Variants in FANCC observed in about 807,000 individuals in gnomAD.
The protein encoded by FANCC is FA complementation group C.
FANCC carries 55 observed loss-of-function variants against 71.3 expected under a neutral mutation model. That is an observed-to-expected ratio of 0.77 (90% CI 0.62 to 0.97). The LOEUF (loss-of-function observed/expected upper bound fraction) is 0.97. Ranked by LOEUF, FANCC falls within the 50% of genes least tolerant of loss-of-function variation. FANCC has a pLI of 0.00. For missense variants in FANCC, 678 were observed against 670.9 expected, an observed-to-expected ratio of 1.01 and a Z score of -0.12; for synonymous variants, 275 against 244.9, an observed-to-expected ratio of 1.12 and a Z score of -1.15.
At chr9:95,251,252 A>G (rs1420010442) in intron 1 of FANCC, among the ~76,000 whole-genome samples, 1 of 152,198 alleles carries the variant, frequency 6.6e-6, no homozygotes, top group Admixed American at 6.5e-5. Flanking sequence ...TCCTCATAGT[A>G]CAGTTCTAAG....
intron 4 of FANCC, among the ~76,000 whole-genome samples, chr9:95,214,722 T>C (rs932696202): frequency 6.6e-6 from 1 of 152,206 alleles, no homozygotes; most frequent in Admixed American, 6.5e-5. Flanking sequence ...TGAACCTTGA[T>C]GGCATTATGC....
At chr9:95,129,608 T>C (rs1826567746) in intron 8 of FANCC, among the ~76,000 whole-genome samples, 1 of 152,196 alleles carries the variant, frequency 6.6e-6, no homozygotes, top group Non-Finnish European at 1.5e-5. Context: ...AATAAACCTT[T>C]TGTGGTTTCC....
chr9:95,200,160 G>C (rs893444332), intron 4 of FANCC, among the ~76,000 whole-genome samples: 1 of 152,038 alleles, frequency 6.6e-6, no homozygotes, highest in Admixed American at 6.6e-5. Context: ...TTGAAAATCC[G>C]GCACATGAAC....
In FANCC at chr9:95,099,976, C is replaced by A; in HGVS notation, c.*1731G>T. ...GAGGACTGTCCCAGGAGTCCCTCCACAACAGGAGGCCTGGTCCCAGTGGCC... is the reference window on the plus strand; with the variant it reads ...GAGGACTGTCCCAGGAGTCCCTCCAAAACAGGAGGCCTGGTCCCAGTGGCC... On this transcript the variant is annotated 3_prime_UTR_variant, in exon 15 of 15. Coordinates refer to ENST00000289081, the MANE Select transcript of FANCC (RefSeq NM_000136.3). The A allele has an allele frequency of 4.3e-6, 1 of 232,418 alleles. No homozygotes were observed. Among genetic ancestry groups the A allele is most frequent in the Non-Finnish European group, 8.5e-6 (1 of 117,530 alleles). The allele number at this position is 232,418 out of a possible 1,614,324, so 14.4% of individuals were successfully genotyped here. A position where few individuals can be genotyped will look rare whatever the true frequency, so the allele number is the denominator to read the frequency against.
chr9:95,152,559 A>G (rs1048169850), intron 6 of FANCC, among the ~76,000 whole-genome samples: 1 of 152,240 alleles, frequency 6.6e-6, no homozygotes, highest in Non-Finnish European at 1.5e-5. Flanking sequence ...AGGGGCCTGC[A>G]TATTCTTTTT....
At chr9:95,309,754 A>C (rs569309226) in intron 1 of FANCC, among the ~76,000 whole-genome samples, 1 of 152,212 alleles carries the variant, frequency 6.6e-6, no homozygotes, top group African/African-American at 2.4e-5. Flanking sequence ...CTATATGTCC[A>C]ACATGTTATG....
chr9:95,291,070 G>A (rs1235956083), intron 1 of FANCC, among the ~76,000 whole-genome samples: 1 of 152,108 alleles, frequency 6.6e-6, no homozygotes. Flanking sequence ...AGGTATAGAA[G>A]GAATGTACAT....
At chr9:95,266,840 G>C (rs899095610) in intron 1 of FANCC, among the ~76,000 whole-genome samples, 1 of 152,144 alleles carries the variant, frequency 6.6e-6, no homozygotes, top group African/African-American at 2.4e-5. Flanking sequence ...TTAGCTTTCA[G>C]TACTATGTAA....
chr9:95,167,903 G>T (rs186932738), intron 6 of FANCC, among the ~76,000 whole-genome samples: 33 of 152,178 alleles, frequency 2.2e-4, no homozygotes, highest in Non-Finnish European at 4.3e-4. Context: ...TATTTTTGTT[G>T]TATTTTGTAC....
chr9:95,259,272 A>G (rs1564804913), intron 1 of FANCC, among the ~76,000 whole-genome samples: 1 of 152,142 alleles, frequency 6.6e-6, no homozygotes, highest in Non-Finnish European at 1.5e-5. Context: ...GAGACATCGC[A>G]CTACCTGACT....
chr9:95,106,115 A>C (rs1354226239), intron 14 of FANCC, among the ~76,000 whole-genome samples: 1 of 152,056 alleles, frequency 6.6e-6, no homozygotes, highest in Non-Finnish European at 1.5e-5. Flanking sequence ...GTTCCCACGC[A>C]TCCTCACGGG....
At chr9:95,182,741 G>A (rs1187850763) in intron 4 of FANCC, among the ~76,000 whole-genome samples, 1 of 152,086 alleles carries the variant, frequency 6.6e-6, no homozygotes, top group Non-Finnish European at 1.5e-5. Flanking sequence ...AGAGCAAGGA[G>A]AGATGAGTTC....
chr9:95,253,477 C>G (rs1488341047), intron 1 of FANCC, among the ~76,000 whole-genome samples: 1 of 152,142 alleles, frequency 6.6e-6, no homozygotes, highest in African/African-American at 2.4e-5. Flanking sequence ...ATATTTCACT[C>G]CACTCTCTTC....
At chr9:95,299,636 G>C (rs1024088635) in intron 1 of FANCC, among the ~76,000 whole-genome samples, 2 of 152,208 alleles carry the variant, frequency 1.3e-5, no homozygotes, top group East Asian at 3.8e-4. Context: ...TGAGGAAGGA[G>C]GATCGCTTGA....
chr9:95,114,415 T>C (rs1203939544), intron 12 of FANCC: 2 of 641,068 alleles, frequency 3.1e-6, no homozygotes, highest in Middle Eastern at 4.2e-4. Context: ...TATTGGCACA[T>C]GCATACATGC....
chr9:95,283,273 G>A (rs548290584), intron 1 of FANCC, among the ~76,000 whole-genome samples: 1 of 152,316 alleles, frequency 6.6e-6, no homozygotes, highest in African/African-American at 2.4e-5. Context: ...AGTAAAGGTT[G>A]TTAGGCACCA....
intron 6 of FANCC, among the ~76,000 whole-genome samples, chr9:95,156,989 A>G (rs983990879): frequency 1.3e-5 from 2 of 152,334 alleles, no homozygotes; most frequent in African/African-American, 2.4e-5. Flanking sequence ...GTATATGCTT[A>G]AAGTCAGGAG....
rs576700147 is a variant in FANCC at position 95,243,551 on chromosome 9, G to A, written c.251-2808C>T. The stretch of plus-strand genomic sequence containing the variant: ...TGTAATCCCAGCACTTTGGGAGGCC[G>A]AGGTGGGCGGATCACAAGGTCAGGA... On this transcript the variant is annotated intron_variant, in intron 3 of 14. Coordinates refer to ENST00000289081, the MANE Select transcript of FANCC (RefSeq NM_000136.3). 1.4e-4 allele frequency among the ~76,000 whole-genome samples: 22 copies of A among 152,084 alleles called. No individual in the cohort carries two copies. The South Asian group carries it at 2.1e-3, about 14-fold the overall frequency.
In FANCC at chr9:95,108,543, C is replaced by T. The variant is rs377486075; in HGVS notation, c.1330-1274G>A. The stretch of plus-strand genomic sequence containing the variant: ...CCAGACTGTCTTTCCCTTCAGAGGC[C>T]GTCCATGCTCATGGGCTTCCACTTG... On this transcript the variant is annotated intron_variant, in intron 13 of 14. Transcript: ENST00000289081. Among the ~76,000 whole-genome samples the T allele has an allele frequency of 1.6e-3, 238 of 152,326 alleles. 2 individuals carry two copies. The highest frequency in any genetic ancestry group is 5.4e-3 in the African/African-American group (225 of 41,582).
Sources: gnomAD v4.1 joint callset for allele counts (sites outside exome capture counted in the v4.1 genomes callset) on GRCh38, gnomAD v4.1.1 for gene constraint, MANE v1.5 for transcripts, NCBI Gene and HGNC (gene_info 2026-07-23, HGNC 2026-07-21) for gene names.